Variants in STK31 observed in about 807,000 individuals in gnomAD.
The protein encoded by STK31 is serine/threonine-protein kinase 31.
A neutral mutation model predicts 129.7 loss-of-function variants in STK31; 89 were observed. The ratio of observed to expected loss-of-function variants is 0.69; its 90% confidence interval spans 0.58 to 0.82. The LOEUF is 0.82. Ranked by LOEUF, STK31 falls within the 40% of genes least tolerant of loss-of-function variation. The pLI is 0.00. For missense variants in STK31, 1,187 were observed against 1,176.4 expected, an observed-to-expected ratio of 1.01 and a Z score of -0.13; for synonymous variants, 448 against 395.3, an observed-to-expected ratio of 1.13 and a Z score of -1.58.
chr7:23,773,128 G>C (rs1378233195), intron 15 of STK31, among the ~76,000 whole-genome samples: 3 of 151,926 alleles, frequency 2.0e-5, no homozygotes, highest in African/African-American at 4.8e-5. Flanking sequence ...ACGTGCCATG[G>C]TGGTTTGCTG....
intron 22 of STK31, among the ~76,000 whole-genome samples, chr7:23,810,672 T>G (rs868547400): frequency 1.5e-5 from 2 of 130,952 alleles, no homozygotes; most frequent in African/African-American, 5.9e-5. Flanking sequence ...ATATATAATA[T>G]ATATAAAATA....
chr7:23,803,111 CT>C (rs1282300910), intron 22 of STK31, among the ~76,000 whole-genome samples: 1 of 151,974 alleles, frequency 6.6e-6, no homozygotes, highest in Non-Finnish European at 1.5e-5. Flanking sequence ...TGGTCAAGTT[CT>C]TTTTTACAAC....
chr7:23,786,594 C>T lies in STK31; in HGVS notation c.2361C>T (p.Asp787=), dbSNP rs754081338. ...GAGCTTGGAGAGAAGCTGAAGGAGA[C>T]TCAGGGTTACTGCCATTGATATTCC... The part of the protein sequence containing the change: ...YHRAWREAEG[D]SGLLPLIFLF... Residue 787 remains aspartate (D), a synonymous_variant, in exon 19 of 24, where the codon GAC becomes GAT. Coordinates refer to ENST00000355870, the MANE Select transcript of STK31 (RefSeq NM_031414.5). 6.2e-7 allele frequency: 1 copy of T among 1,613,718 alleles called. No homozygotes were observed. Among genetic ancestry groups the T allele is most frequent in the Non-Finnish European group, 8.5e-7 (1 of 1,179,824 alleles).
intron 23 of STK31, among the ~76,000 whole-genome samples, chr7:23,827,839 T>C (rs189767187): frequency 1.3e-5 from 2 of 152,322 alleles, no homozygotes; most frequent in East Asian, 3.9e-4. Flanking sequence ...GCAGGTCTGT[T>C]GTAGTTTACT....
intron 22 of STK31, among the ~76,000 whole-genome samples, chr7:23,805,878 A>G (rs1792677124): frequency 6.6e-6 from 1 of 152,222 alleles, no homozygotes; most frequent in Non-Finnish European, 1.5e-5. Flanking sequence ...GTTTGGAACT[A>G]ACTGCTTTAG....
chr7:23,789,973 A>G (rs977247221), intron 21 of STK31, among the ~76,000 whole-genome samples: 5 of 152,182 alleles, frequency 3.3e-5, no homozygotes, highest in African/African-American at 4.8e-5. Context: ...GGTCAAGATC[A>G]TTGCTTTTCA....
In STK31 at chr7:23,749,197, G is replaced by A. The variant is rs140012178; in HGVS notation, c.1018-3520G>A. Among the ~76,000 whole-genome samples, 683 of 152,234 alleles carry A rather than the reference G, an allele frequency of 4.5e-3. 7 individuals are homozygous for A. The highest frequency in any genetic ancestry group is 0.016 in the African/African-American group (658 of 41,530). On this transcript the variant is annotated intron_variant, in intron 8 of 23. Transcript: ENST00000355870. ...CTATCTACTTTCTCCATTATGATGC[G>A]TAGCATATTAATCATAATTGTTTTA...
upstream of STK31, chr7:23,710,190 T>G (rs1785835947): frequency 6.2e-7 from 1 of 1,600,200 alleles, no homozygotes; most frequent in African/African-American, 1.3e-5. Context: ...GGCGCAGCGC[T>G]GTGCACGCAG....
At chr7:23,747,355 T>G (rs1456623015) in intron 8 of STK31, among the ~76,000 whole-genome samples, 1 of 143,272 alleles carries the variant, frequency 7.0e-6, no homozygotes, top group Non-Finnish European at 1.5e-5. Context: ...GAAATAAGTC[T>G]GTTCAGATTA....
chr7:23,746,122 G>A (rs79586340), intron 8 of STK31, among the ~76,000 whole-genome samples: 18,748 of 152,116 alleles, frequency 0.12, 1,239 homozygotes, highest in East Asian at 0.22. Flanking sequence ...TCTACTTGGG[G>A]CTGGGCACAC....
intron 22 of STK31, among the ~76,000 whole-genome samples, chr7:23,796,186 G>T (rs189134556): frequency 6.6e-6 from 1 of 152,240 alleles, no homozygotes; most frequent in African/African-American, 2.4e-5. Context: ...TGAATTACGG[G>T]GTGGTTCCCC....
Position 23,820,906 on chromosome 7 carries a change from G to GTGT in STK31, c.2829+5696_2829+5698dup, listed in dbSNP as rs368980160. 4.5e-3 allele frequency among the ~76,000 whole-genome samples: 680 copies of GTGT among 152,214 alleles called. 8 individuals carry two copies. The highest frequency in any genetic ancestry group is 0.016 in the African/African-American group (657 of 41,542). ...ACATTTTCTTTATATTTCTTTAATA[G>GTGT]TGTTCCACATTGTCTTTTTCCATTT... On this transcript the variant is annotated intron_variant, in intron 23 of 23. Transcript: ENST00000355870.
chr7:23,809,957 A>G (rs1792980737), intron 22 of STK31, among the ~76,000 whole-genome samples: 1 of 152,154 alleles, frequency 6.6e-6, no homozygotes, highest in Non-Finnish European at 1.5e-5. Flanking sequence ...TATTCCTGTT[A>G]TGTATTCCTG....
In STK31 at chr7:23,712,341, C is replaced by G. The variant is rs1786027086; in HGVS notation, c.150+55C>G. 4 of 1,524,574 alleles carry G rather than the reference C, an allele frequency of 2.6e-6. No homozygotes were observed. In the South Asian group the frequency reaches 4.6e-5, roughly 18 times the overall value. The allele number at this position is 1,524,574 out of a possible 1,614,324, so 94.4% of individuals were successfully genotyped here. A position where few individuals can be genotyped will look rare whatever the true frequency, so the allele number is the denominator to read the frequency against. On this transcript the variant is annotated intron_variant, in intron 3 of 23. Coordinates refer to ENST00000355870, the MANE Select transcript of STK31 (RefSeq NM_031414.5). ...TCACCTCCCCCAATCCAGTTCCTCC[C>G]CAACAAAAACAAAAATAAAACCCAG...
rs539660557 is a variant in STK31, at chr7:23,793,736, C to T, written c.2760+2790C>T. ...TATAAAATTAAAAAGATCGTACCAA[C>T]GGTTGCTTAGATCTGTTGTACCTAG... On this transcript the variant is annotated intron_variant, in intron 22 of 23. Coordinates refer to ENST00000355870, the MANE Select transcript of STK31 (RefSeq NM_031414.5). Among the ~76,000 whole-genome samples, 9 of 152,286 alleles carry T rather than the reference C, an allele frequency of 5.9e-5. No homozygotes were observed. The East Asian group carries it at 7.7e-4, about 13-fold the overall frequency.
chr7:23,772,410 C>G (rs1231730243), intron 15 of STK31, 132 bp downstream of exon 15: 7 of 901,620 alleles, frequency 7.8e-6, no homozygotes, highest in Non-Finnish European at 1.1e-5. Context: ...GTTTTATATA[C>G]TTTATCTTGT....
intron 4 of STK31, among the ~76,000 whole-genome samples, chr7:23,723,968 G>C (rs1389020638): frequency 1.3e-5 from 2 of 152,082 alleles, no homozygotes; most frequent in Non-Finnish European, 1.5e-5. Flanking sequence ...CGGAGGAAGG[G>C]GCTTGATTAA....
At chr7:23,806,347 A>G (rs887723155) in intron 22 of STK31, among the ~76,000 whole-genome samples, 1 of 152,180 alleles carries the variant, frequency 6.6e-6, no homozygotes, top group Non-Finnish European at 1.5e-5. Flanking sequence ...TGTGTAATCC[A>G]AAAATAAGAG....
chr7:23,806,864 C>T (rs1792742065), intron 22 of STK31, among the ~76,000 whole-genome samples: 1 of 145,262 alleles, frequency 6.9e-6, no homozygotes, highest in African/African-American at 2.6e-5. Context: ...CACGCCACTG[C>T]ACTCCAGCCT....
Sources: allele counts gnomAD v4.1 joint callset (sites outside exome capture counted in the v4.1 genomes callset), GRCh38; gene constraint gnomAD v4.1.1; transcripts MANE v1.5; gene names NCBI Gene and HGNC (gene_info 2026-07-23, HGNC 2026-07-21).